Variants in ASCC3 observed in about 807,000 individuals in gnomAD.
The protein encoded by ASCC3 is activating signal cointegrator 1 complex subunit 3, also known as ASC-1 complex subunit P200.
Under a neutral mutation model 256.3 loss-of-function variants are expected in ASCC3, and 158 were observed. That is an observed-to-expected ratio of 0.62 (90% CI 0.54 to 0.70). The LOEUF is 0.70. Among genes scored for constraint, ASCC3 ranks in the 30% least tolerant of loss-of-function variants. The pLI is 0.00. For missense variants in ASCC3, 2,259 were observed against 2,626.0 expected (o/e 0.86, Z 3.05); for synonymous variants, 948 against 883.4 (o/e 1.07, Z -1.30).
At chr6:100,767,420 T>G (rs1781709040) in intron 8 of ASCC3, 75 bp from the exon 9 acceptor site, 9 of 1,416,606 alleles carry the variant, frequency 6.4e-6, no homozygotes, top group Non-Finnish European at 7.9e-6. Flanking sequence ...TGTGTTAACA[T>G]TTATTTCCTT....
At chr6:100,752,300 G>A (rs1342992194) in intron 10 of ASCC3, among the ~76,000 whole-genome samples, 1 of 151,954 alleles carries the variant, frequency 6.6e-6, no homozygotes, top group African/African-American at 2.4e-5. Context: ...AATCATTTAT[G>A]AAACAGGAGG....
intron 13 of ASCC3, among the ~76,000 whole-genome samples, chr6:100,706,724 A>T (rs1361898274): frequency 6.6e-6 from 1 of 152,142 alleles, no homozygotes; most frequent in East Asian, 1.9e-4. Context: ...TTGGCAGATC[A>T]ACCTGCAAGT....
At chr6:100,527,139 C>T (rs1292130188) in intron 37 of ASCC3, among the ~76,000 whole-genome samples, 3 of 152,044 alleles carry the variant, frequency 2.0e-5, no homozygotes, top group African/African-American at 7.2e-5. Context: ...GATAAGTTTC[C>T]AGCATACTTT....
chr6:100,720,331 C>G (rs1359815685), intron 11 of ASCC3, among the ~76,000 whole-genome samples: 2 of 151,740 alleles, frequency 1.3e-5, no homozygotes, highest in Admixed American at 6.6e-5. Flanking sequence ...AAAGAAAACA[C>G]AGAAAAGGTG....
chr6:100,686,980 T>C (rs1344067282), intron 13 of ASCC3, among the ~76,000 whole-genome samples: 1 of 151,692 alleles, frequency 6.6e-6, no homozygotes, highest in Non-Finnish European at 1.5e-5. Flanking sequence ...ATCTCTTCAA[T>C]ACAGACGTAG....
intron 36 of ASCC3, among the ~76,000 whole-genome samples, chr6:100,574,917 G>T (rs923065551): frequency 1.3e-5 from 2 of 152,080 alleles, no homozygotes; most frequent in African/African-American, 2.4e-5. Context: ...AACATGGAAG[G>T]TCTCAAGGGA....
chr6:100,650,949 G>T (rs780809632), intron 19 of ASCC3, among the ~76,000 whole-genome samples: 1 of 151,642 alleles, frequency 6.6e-6, no homozygotes, highest in Non-Finnish European at 1.5e-5. Flanking sequence ...TATTAAATTT[G>T]CCATTGACAT....
chr6:100,824,471 G>A (rs1218292706), intron 4 of ASCC3, among the ~76,000 whole-genome samples: 1 of 152,132 alleles, frequency 6.6e-6, no homozygotes, highest in African/African-American at 2.4e-5. Context: ...ATGCACAGTA[G>A]GCAGAATATC....
chr6:100,605,831 A>T (rs1191458437), intron 32 of ASCC3, 131 bp from the exon 33 acceptor site: 2 of 1,045,052 alleles, frequency 1.9e-6, no homozygotes, highest in African/African-American at 3.2e-5. Context: ...TATGTTTGCT[A>T]TGTTGATGGC....
At chr6:100,629,534 T>A (rs925361590) in intron 26 of ASCC3, among the ~76,000 whole-genome samples, 9 of 152,022 alleles carry the variant, frequency 5.9e-5, no homozygotes, top group Non-Finnish European at 1.3e-4. Context: ...TGGAATAAAA[T>A]TTTTTTTAAT....
At chr6:100,526,977 G>T (rs2114633487) in intron 37 of ASCC3, among the ~76,000 whole-genome samples, 1 of 152,146 alleles carries the variant, frequency 6.6e-6, no homozygotes, top group Middle Eastern at 3.4e-3. Flanking sequence ...AACATTGTAA[G>T]ACTCCACAAA....
Position 100,606,847 on chromosome 6 carries a change from G to C in ASCC3, c.4937C>G (p.Thr1646Arg), listed in dbSNP as rs1275014920. The change falls in exon 32 of 42, where the codon ACA becomes AGA. Residue 1646 changes from threonine (T) to arginine (R), a missense_variant. By Grantham distance (71) the Thr-to-Arg change is moderately conservative. Coordinates refer to ENST00000369162, the MANE Select transcript of ASCC3 (RefSeq NM_006828.4). ...VNCKVQVLIA[T>R]STLAWGVNFP... Reference sequence around the variant, plus strand: ...GTTTACACCCCAGGCTAATGTGCTTGTAGCAATAAGAACCTAAAAAGCAAA... The same window carrying C: ...GTTTACACCCCAGGCTAATGTGCTTCTAGCAATAAGAACCTAAAAAGCAAA... 2 of 1,611,648 alleles carry C rather than the reference G, an allele frequency of 1.2e-6. No individual in the cohort carries two copies. The highest frequency in any genetic ancestry group is 1.7e-6 in the Non-Finnish European group (2 of 1,178,896).
intron 13 of ASCC3, among the ~76,000 whole-genome samples, chr6:100,686,994 A>AT (rs1263061360): frequency 1.4e-5 from 2 of 144,608 alleles, no homozygotes; most frequent in Admixed American, 7.1e-5. Context: ...GACGTAGTTC[A>AT]TTTTTTCTGT....
chr6:100,748,656 T>A (rs10457844), intron 10 of ASCC3, among the ~76,000 whole-genome samples: 71,063 of 151,714 alleles, frequency 0.47, 16,799 homozygotes, highest in South Asian at 0.6. Context: ...GCCTGCTCAA[T>A]ATTCCTTTAA....
At chr6:100,731,642 G>C (rs189652951) in intron 10 of ASCC3, among the ~76,000 whole-genome samples, 119 of 152,272 alleles carry the variant, frequency 7.8e-4, no homozygotes, top group Non-Finnish European at 5.9e-5. Flanking sequence ...CCTGTGGTGA[G>C]ACCTAATCGT....
chr6:100,668,003 T>C (rs1188369018), intron 14 of ASCC3, among the ~76,000 whole-genome samples: 1 of 152,006 alleles, frequency 6.6e-6, no homozygotes, highest in Non-Finnish European at 1.5e-5. Flanking sequence ...AAATAGACAG[T>C]GGCCATTACT....
intron 36 of ASCC3, among the ~76,000 whole-genome samples, chr6:100,549,591 C>A (rs1405266106): frequency 2.0e-5 from 3 of 151,828 alleles, no homozygotes; most frequent in Non-Finnish European, 4.4e-5. Context: ...CTGTTACCTG[C>A]TGACTGACTC....
At chr6:100,608,160 TTATA>T (rs1214763705) in intron 30 of ASCC3, among the ~76,000 whole-genome samples, 6 of 15,368 alleles carry the variant, frequency 3.9e-4, no homozygotes, top group African/African-American at 1.1e-3. Context: ...ATATACATAT[TTATA>T]TACATATTTA....
At chr6:100,653,173 A>T (rs989038557) in intron 17 of ASCC3, among the ~76,000 whole-genome samples, 3 of 152,182 alleles carry the variant, frequency 2.0e-5, no homozygotes, top group Non-Finnish European at 4.4e-5. Context: ...GATCTTTAAA[A>T]TCACAAAGAT....
Sources: allele counts gnomAD v4.1 joint callset (sites outside exome capture counted in the v4.1 genomes callset), GRCh38; gene constraint gnomAD v4.1.1; transcripts MANE v1.5; gene names NCBI Gene and HGNC (gene_info 2026-07-23, HGNC 2026-07-21).